ATP9B: variants seen among roughly 807,000 people sequenced by gnomAD.
ATP9B encodes probable phospholipid-transporting ATPase IIB.
ATP9B carries 110 observed loss-of-function variants against 146.1 expected under a neutral mutation model. The ratio of observed to expected loss-of-function variants is 0.75; its 90% CI spans 0.65 to 0.88. The LOEUF is 0.88. ATP9B is among the 40% of genes least tolerant of loss of function. The pLI is 0.00. For missense variants in ATP9B, 1,499 were observed against 1,496.4 expected (o/e 1.00, Z -0.03); for synonymous variants, 604 against 569.7 (o/e 1.06, Z -0.86).
intron 6 of ATP9B, among the ~76,000 whole-genome samples, chr18:79,147,191 C>T (rs2094605100): frequency 6.6e-6 from 1 of 152,150 alleles, no homozygotes; most frequent in African/African-American, 2.4e-5. Context: ...AACAACAGTT[C>T]CATAAAATTC....
chr18:79,252,898 G>C (rs1477895678), intron 11 of ATP9B, among the ~76,000 whole-genome samples: 1 of 149,378 alleles, frequency 6.7e-6, no homozygotes, highest in African/African-American at 2.5e-5. Context: ...TCTCCATCTT[G>C]AGTAGAATCC....
intron 5 of ATP9B, among the ~76,000 whole-genome samples, chr18:79,130,823 C>A (rs1401100977): frequency 6.6e-6 from 1 of 152,046 alleles, no homozygotes; most frequent in East Asian, 1.9e-4. Context: ...AGAAAAAAAA[C>A]CTGTCAGTTA....
chr18:79,292,176 C>G (rs555107045), intron 13 of ATP9B, among the ~76,000 whole-genome samples: 2 of 152,196 alleles, frequency 1.3e-5, no homozygotes, highest in African/African-American at 4.8e-5. Flanking sequence ...TTGCCTACTA[C>G]GACTAATGCT....
chr18:79,209,220 C>G (rs951478895), intron 10 of ATP9B, among the ~76,000 whole-genome samples: 1 of 152,156 alleles, frequency 6.6e-6, no homozygotes, highest in African/African-American at 2.4e-5. Context: ...AGTAGTTACA[C>G]GAAAGCATTT....
At chr18:79,255,978 G>T (rs1169528445) in intron 12 of ATP9B, among the ~76,000 whole-genome samples, 1 of 152,080 alleles carries the variant, frequency 6.6e-6, no homozygotes, top group Non-Finnish European at 1.5e-5. Flanking sequence ...TGCTTCCAGA[G>T]CCTCATAGCA....
intron 13 of ATP9B, among the ~76,000 whole-genome samples, chr18:79,286,424 G>A (rs970918512): frequency 3.3e-5 from 5 of 151,024 alleles, no homozygotes; most frequent in Non-Finnish European, 7.4e-5. Flanking sequence ...CTGTTTGTCT[G>A]TTATTGGTGT....
At chr18:79,168,886 C>T (rs992400917) in intron 7 of ATP9B, among the ~76,000 whole-genome samples, 2 of 152,054 alleles carry the variant, frequency 1.3e-5, no homozygotes, top group African/African-American at 2.4e-5. Context: ...TATTAAATCT[C>T]TTCCATGCCT....
At chr18:79,274,763 C>T (rs935015506) in intron 12 of ATP9B, among the ~76,000 whole-genome samples, 1 of 152,218 alleles carries the variant, frequency 6.6e-6, no homozygotes, top group South Asian at 2.1e-4. Context: ...GATGATCTCT[C>T]ACCTTTTCAT....
chr18:79,303,823 G>T, intron 14 of ATP9B, 107 bp downstream of exon 14: 1 of 670,468 alleles, frequency 1.5e-6, no homozygotes, highest in Non-Finnish European at 2.5e-6. Flanking sequence ...CTTCTTGGTG[G>T]TCTTAACATC....
chr18:79,161,693 A>G (rs1382193549), intron 7 of ATP9B, among the ~76,000 whole-genome samples: 2 of 152,090 alleles, frequency 1.3e-5, no homozygotes, highest in Non-Finnish European at 2.9e-5. Context: ...GAAAAATACA[A>G]AAAATTTGCC....
rs1244805799 is a variant in ATP9B, at chr18:79,359,246, GAGTATTTTTTGGTGTTTTTGA to G, written c.2904-105_2904-85del. On this transcript the variant is annotated intron_variant, in intron 25 of 29. Transcript: ENST00000426216. Reference sequence around the variant, plus strand: ...CCAACTTACTTTGTTGGTTTTTGTGGAGTATTTTTTGGTGTTTTTGAAGCTGTGACCTCTAATCCAGAGGTC... The same window carrying G: ...CCAACTTACTTTGTTGGTTTTTGTGGAGCTGTGACCTCTAATCCAGAGGTC... The G allele has an allele frequency of 5.3e-6, 4 of 756,622 alleles. No individual in the cohort carries two copies. In the African/African-American group the frequency reaches 7.0e-5, roughly 13 times the overall value. 46.9% of individuals were successfully genotyped at this position (756,622 alleles called of 1,614,324 possible). A position where few individuals can be genotyped will look rare whatever the true frequency, so the allele number is the denominator to read the frequency against.
At chr18:79,079,529 G>A (rs547826189) in intron 1 of ATP9B, among the ~76,000 whole-genome samples, 5 of 152,166 alleles carry the variant, frequency 3.3e-5, no homozygotes, top group South Asian at 2.1e-4. Context: ...TAAGTTCCTC[G>A]TAGATTCTGC....
rs1342594200 is a variant in ATP9B, at chr18:79,205,044, A to G, written c.955-1893A>G. Reference sequence around the variant, plus strand: ...CAGGCGGTCGCCTTCTTGTGAAGGGACGTGGTGGAAGGTTCATGATCCCCA... The same window carrying G: ...CAGGCGGTCGCCTTCTTGTGAAGGGGCGTGGTGGAAGGTTCATGATCCCCA... On this transcript the variant is annotated intron_variant, in intron 9 of 29. Coordinates refer to ENST00000426216, the MANE Select transcript of ATP9B (RefSeq NM_198531.5). Among the ~76,000 whole-genome samples the G allele has an allele frequency of 5.3e-5, 8 of 152,080 alleles. No individual in the cohort carries two copies. The South Asian group carries it at 8.3e-4, about 16-fold the overall frequency.
rs181889828 is a variant in ATP9B, at chr18:79,179,822, T to G, written c.873+2915T>G. On this transcript the variant is annotated intron_variant, in intron 8 of 29. Coordinates refer to ENST00000426216, the MANE Select transcript of ATP9B (RefSeq NM_198531.5). ...AGGTCAAGCTAATGGAAAGTGTTGT[T>G]TAAAAAAGTTTTATAGTTGTTTTCT... Among the ~76,000 whole-genome samples, 172 of 152,336 alleles carry G rather than the reference T, an allele frequency of 1.1e-3. 1 individual carries two copies. Among genetic ancestry groups the G allele is most frequent in the Middle Eastern group, 3.4e-3 (1 of 294 alleles).
At chr18:79,224,263 G>C (rs2095708235) in intron 11 of ATP9B, among the ~76,000 whole-genome samples, 1 of 152,168 alleles carries the variant, frequency 6.6e-6, no homozygotes, top group South Asian at 2.1e-4. Flanking sequence ...TATGGACCTT[G>C]TGATAATGAT....
At chr18:79,344,381 T>C (rs1568763732) in intron 21 of ATP9B, 27 bp downstream of exon 21, 2 of 1,600,424 alleles carry the variant, frequency 1.2e-6, no homozygotes, top group Non-Finnish European at 1.7e-6. Flanking sequence ...AGTGAGTACA[T>C]GTCTGTCTGT....
At chr18:79,147,983 A>C (rs2094619108) in intron 6 of ATP9B, among the ~76,000 whole-genome samples, 1 of 152,206 alleles carries the variant, frequency 6.6e-6, no homozygotes, top group East Asian at 1.9e-4. Flanking sequence ...TTAGTAATGA[A>C]ATAGGGGCTT....
At chr18:79,271,987 C>T (rs2096260318) in intron 12 of ATP9B, among the ~76,000 whole-genome samples, 1 of 152,122 alleles carries the variant, frequency 6.6e-6, no homozygotes. Context: ...CTCTGATGAC[C>T]AGTGATGATG....
chr18:79,280,393 A>G (rs908061302), intron 13 of ATP9B, among the ~76,000 whole-genome samples: 5 of 152,226 alleles, frequency 3.3e-5, no homozygotes, highest in African/African-American at 1.2e-4. Context: ...TACCTTGATT[A>G]ATATTAAGCA....
Sources: gnomAD v4.1 joint callset for allele counts (sites outside exome capture counted in the v4.1 genomes callset) on GRCh38, gnomAD v4.1.1 for gene constraint, MANE v1.5 for transcripts, NCBI Gene and HGNC (gene_info 2026-07-23, HGNC 2026-07-21) for gene names.